The following CALD1 variants were observed in gnomAD, a reference collection of about 807,000 sequenced individuals.
The protein encoded by CALD1 is caldesmon 1, also known as caldesmon.
CALD1 carries 33 observed loss-of-function variants against 99.9 expected under a neutral mutation model. That is an observed-to-expected ratio of 0.33 (90% CI 0.25 to 0.44). The LOEUF is 0.44. CALD1 is among the 20% of genes least tolerant of loss of function. The pLI is 1.00. For missense variants in CALD1, 861 were observed against 962.1 expected, an observed-to-expected ratio of 0.89 and a Z score of 1.39; for synonymous variants, 310 against 325.0, an observed-to-expected ratio of 0.95 and a Z score of 0.50.
intron 9 of CALD1, among the ~76,000 whole-genome samples, chr7:134,952,690 C>T (rs1807449212): frequency 1.3e-5 from 2 of 151,976 alleles, no homozygotes; most frequent in African/African-American, 2.4e-5. Context: ...AGGCTGGTCT[C>T]GAACTCCTCA....
chr7:134,744,100 C>T (rs976568703), upstream of CALD1, among the ~76,000 whole-genome samples: 1 of 152,184 alleles, frequency 6.6e-6, no homozygotes, highest in Non-Finnish European at 1.5e-5. Context: ...AGAGAAGATG[C>T]AAGAACAGGG....
At chr7:134,887,072 G>A (rs924868496) in intron 3 of CALD1, among the ~76,000 whole-genome samples, 5 of 152,202 alleles carry the variant, frequency 3.3e-5, no homozygotes, top group African/African-American at 1.2e-4. Context: ...CAGGCCTAGA[G>A]ACAGATGAGG....
At chr7:134,891,618 G>T (rs375797843) in intron 3 of CALD1, 10 of 1,608,454 alleles carry the variant, frequency 6.2e-6, no homozygotes, top group South Asian at 5.6e-5. Context: ...CCCAACTGCG[G>T]ACATGCTGGG....
intron 13 of CALD1, chr7:134,961,442 GAA>G (rs1403616244): frequency 6.6e-6 from 1 of 152,200 alleles, no homozygotes; most frequent in Non-Finnish European, 1.5e-5. Flanking sequence ...AGAGGAAGAA[GAA>G]AAAGTTTCCA....
intron 14 of CALD1, among the ~76,000 whole-genome samples, chr7:134,967,726 C>A (rs1808781988): frequency 6.6e-6 from 1 of 151,668 alleles, no homozygotes; most frequent in Non-Finnish European, 1.5e-5. Context: ...ATGAAAAAAA[C>A]AAAGCAACTT....
the CALD1 span, among the ~76,000 whole-genome samples, chr7:134,729,934 T>A: frequency 6.6e-6 from 1 of 152,204 alleles, no homozygotes. Flanking sequence ...ATGGGATTTA[T>A]GCTCCTGGAT....
At chr7:134,799,186 T>G (rs959435891) in intron 1 of CALD1, among the ~76,000 whole-genome samples, 2 of 152,164 alleles carry the variant, frequency 1.3e-5, no homozygotes, top group African/African-American at 4.8e-5. Flanking sequence ...GATGAGGAAA[T>G]GTAGGTATCT....
At chr7:134,751,796 C>A (rs1437500758) in intron 1 of CALD1, among the ~76,000 whole-genome samples, 1 of 151,946 alleles carries the variant, frequency 6.6e-6, no homozygotes, top group Non-Finnish European at 1.5e-5. Flanking sequence ...GGCAACATGG[C>A]GAAACCCTAT....
intron 8 of CALD1, among the ~76,000 whole-genome samples, chr7:134,949,316 T>C (rs1368097325): frequency 6.6e-6 from 1 of 152,168 alleles, no homozygotes; most frequent in Non-Finnish European, 1.5e-5. Flanking sequence ...ATCTAGTCTC[T>C]GCTTGAGAAC....
At chr7:134,718,471 C>T in the CALD1 span, among the ~76,000 whole-genome samples, 1 of 152,084 alleles carries the variant, frequency 6.6e-6, no homozygotes, top group Non-Finnish European at 1.5e-5. Context: ...AGTTTTTAAT[C>T]ACTAAACTCA....
chr7:134,962,895 C>G (rs1260716651), intron 13 of CALD1: 3 of 456,634 alleles, frequency 6.6e-6, no homozygotes, highest in Middle Eastern at 3.3e-4. Flanking sequence ...TCTCCCTCTT[C>G]TTCCGGAGTG....
intron 1 of CALD1, among the ~76,000 whole-genome samples, chr7:134,839,876 C>T (rs1476066754): frequency 1.3e-5 from 2 of 151,956 alleles, no homozygotes; most frequent in Admixed American, 6.6e-5. Context: ...TAGTTGTTGG[C>T]AATTTTAAAT....
intron 1 of CALD1, among the ~76,000 whole-genome samples, chr7:134,828,367 C>T (rs750887886): frequency 1.3e-5 from 2 of 152,130 alleles, no homozygotes; most frequent in African/African-American, 2.4e-5. Flanking sequence ...CGCAGCTAGA[C>T]CAAAGTCAGA....
intron 1 of CALD1, among the ~76,000 whole-genome samples, chr7:134,749,622 AGTGAGGTAAGGCATGGAT>A (rs1796668052): frequency 6.6e-6 from 1 of 152,078 alleles, no homozygotes; most frequent in African/African-American, 2.4e-5. Context: ...AGGCCAGAAG[AGTGAGGTAAGGCATGGAT>A]GTGGAATGAT....
intron 13 of CALD1, 74 bp downstream of exon 13, chr7:134,960,702 T>C: frequency 1.1e-6 from 1 of 911,304 alleles, no homozygotes; most frequent in East Asian, 2.5e-5. Flanking sequence ...AAGCAGTTGG[T>C]CTGTTTACCT....
At chr7:134,834,951 A>G (rs1385861827) in intron 1 of CALD1, among the ~76,000 whole-genome samples, 1 of 152,216 alleles carries the variant, frequency 6.6e-6, no homozygotes, top group Admixed American at 6.5e-5. Flanking sequence ...CGATGTCCAC[A>G]GCTTCCTAGA....
intron 1 of CALD1, among the ~76,000 whole-genome samples, chr7:134,787,557 G>A (rs1208652076): frequency 6.6e-6 from 1 of 152,124 alleles, no homozygotes; most frequent in African/African-American, 2.4e-5. Flanking sequence ...CTTCTCTAGG[G>A]CAGGAGTCAT....
intron 1 of CALD1, among the ~76,000 whole-genome samples, chr7:134,799,023 A>C (rs184251701): frequency 6.4e-4 from 98 of 152,346 alleles, no homozygotes; most frequent in African/African-American, 2.1e-3. Flanking sequence ...CACAGGGGAC[A>C]AAATTCTAGA....
At chr7:134,896,031 T>C (rs945365492) in intron 3 of CALD1, among the ~76,000 whole-genome samples, 4 of 152,080 alleles carry the variant, frequency 2.6e-5, no homozygotes, top group Non-Finnish European at 5.9e-5. Context: ...TTTCTAACCA[T>C]CCTTCCCGCC....
Sources: allele counts gnomAD v4.1 joint callset (sites outside exome capture counted in the v4.1 genomes callset), GRCh38; gene constraint gnomAD v4.1.1; transcripts MANE v1.5; gene names NCBI Gene and HGNC (gene_info 2026-07-23, HGNC 2026-07-21).